RELN: variants seen among roughly 807,000 people sequenced by gnomAD.
The protein encoded by RELN is reelin.
RELN carries 108 observed loss-of-function variants against 427.6 expected under a neutral mutation model. The ratio of observed to expected loss-of-function variants is 0.25; its 90% CI spans 0.22 to 0.30. RELN has a LOEUF of 0.30. Ranked by LOEUF, RELN falls within the 10% of genes least tolerant of loss-of-function variation. RELN has a pLI of 1.00. For missense variants in RELN, 3,715 were observed against 4,302.8 expected (o/e 0.86, Z 3.82); for synonymous variants, 1,524 against 1,513.4 (o/e 1.01, Z -0.16).
chr7:103,829,199 G>A (rs900544692), intron 3 of RELN, among the ~76,000 whole-genome samples: 1 of 151,922 alleles, frequency 6.6e-6, no homozygotes, highest in South Asian at 2.1e-4. Context: ...TATTATTAAT[G>A]TTGTAGTTGT....
intron 51 of RELN, among the ~76,000 whole-genome samples, chr7:103,506,325 C>T (rs543772697): frequency 6.6e-6 from 1 of 152,250 alleles, no homozygotes; most frequent in South Asian, 2.1e-4. Flanking sequence ...GTCGGGTTAC[C>T]CACAAAGGGA....
intron 3 of RELN, among the ~76,000 whole-genome samples, chr7:103,800,308 T>G (rs1033861369): frequency 6.6e-6 from 1 of 152,166 alleles, no homozygotes; most frequent in Non-Finnish European, 1.5e-5. Flanking sequence ...ACAAAATCAA[T>G]GTGCAAAAAT....
At chr7:103,892,576 C>A (rs1030865733) in intron 2 of RELN, among the ~76,000 whole-genome samples, 1 of 152,050 alleles carries the variant, frequency 6.6e-6, no homozygotes, top group Non-Finnish European at 1.5e-5. Flanking sequence ...AGATCACAAC[C>A]AATTTCTGTT....
chr7:103,780,761 C>T (rs547678826), intron 3 of RELN, among the ~76,000 whole-genome samples: 2 of 152,266 alleles, frequency 1.3e-5, no homozygotes, highest in East Asian at 3.9e-4. Flanking sequence ...CGTAGTATTC[C>T]ATGGTATATA....
intron 60 of RELN, among the ~76,000 whole-genome samples, chr7:103,488,261 A>G (rs920771720): frequency 2.6e-5 from 4 of 152,232 alleles, no homozygotes; most frequent in Non-Finnish European, 2.9e-5. Context: ...GTAAGATATT[A>G]TATTAGCAAA....
intron 3 of RELN, among the ~76,000 whole-genome samples, chr7:103,813,924 C>T (rs1001703323): frequency 3.9e-5 from 6 of 152,066 alleles, no homozygotes; most frequent in Admixed American, 6.6e-5. Context: ...AAATCAATAC[C>T]TATTAATCAA....
intron 2 of RELN, among the ~76,000 whole-genome samples, chr7:103,899,149 G>C (rs992719110): frequency 6.6e-6 from 1 of 152,082 alleles, no homozygotes; most frequent in South Asian, 2.1e-4. Flanking sequence ...TACTTTCAGA[G>C]AATACTATAA....
At chr7:103,741,235 C>T (rs1384097838) in intron 6 of RELN, among the ~76,000 whole-genome samples, 1 of 152,132 alleles carries the variant, frequency 6.6e-6, no homozygotes, top group African/African-American at 2.4e-5. Flanking sequence ...ATGGGGATAT[C>T]TGATTTCACT....
At chr7:103,976,294 G>C (rs1796878119) in intron 1 of RELN, among the ~76,000 whole-genome samples, 1 of 152,202 alleles carries the variant, frequency 6.6e-6, no homozygotes, top group South Asian at 2.1e-4. Context: ...CAGGCAAATG[G>C]GGGAAATATA....
chr7:103,906,402 C>T (rs751807625), intron 2 of RELN, among the ~76,000 whole-genome samples: 24 of 152,032 alleles, frequency 1.6e-4, no homozygotes, highest in African/African-American at 5.1e-4. Context: ...TGTAACACAC[C>T]GGGCAGATAG....
At position 103,664,379 on chromosome 7, in the gene RELN, A is replaced by G. The variant is rs531100738; in HGVS notation, c.1290-2852T>C. On this transcript the variant is annotated intron_variant, in intron 11 of 64. Transcript: ENST00000428762. ...CCTAATGCCCCAAGGCACCCATTAT[A>G]TTAGTGAATTGCTTTTTCTCCTTTG... Among the ~76,000 whole-genome samples, 4 of 152,278 alleles carry G rather than the reference A, an allele frequency of 2.6e-5. No individual in the cohort carries two copies. In the South Asian group the frequency reaches 6.2e-4, roughly 24 times the overall value.
intron 2 of RELN, among the ~76,000 whole-genome samples, chr7:103,903,557 C>A (rs1342913327): frequency 2.0e-5 from 3 of 152,058 alleles, no homozygotes; most frequent in African/African-American, 7.2e-5. Context: ...CACGAACAGG[C>A]AAAATTATAA....
intron 10 of RELN, among the ~76,000 whole-genome samples, chr7:103,691,451 C>T (rs549503517): frequency 6.6e-6 from 1 of 152,238 alleles, no homozygotes; most frequent in South Asian, 2.1e-4. Flanking sequence ...TTTTCAAGAT[C>T]AGCAGTGGAG....
At chr7:103,479,632 G>T (rs530477757) in intron 63 of RELN, among the ~76,000 whole-genome samples, 1 of 152,110 alleles carries the variant, frequency 6.6e-6, no homozygotes, top group Non-Finnish European at 1.5e-5. Flanking sequence ...CATCTTTATG[G>T]TGTGGGGCTT....
At chr7:103,738,512 A>G (rs1790551801) in intron 6 of RELN, among the ~76,000 whole-genome samples, 1 of 151,896 alleles carries the variant, frequency 6.6e-6, no homozygotes, top group Non-Finnish European at 1.5e-5. Context: ...GATATACAAC[A>G]TAATCATCAC....
At chr7:103,557,228 G>C in intron 37 of RELN, 69 bp from the exon 38 acceptor site, 1 of 1,284,012 alleles carries the variant, frequency 7.8e-7, no homozygotes, top group South Asian at 1.2e-5. Context: ...GTTCTTAGCT[G>C]AATCTTTAGG....
intron 43 of RELN, 101 bp from the exon 44 acceptor site, chr7:103,540,556 T>C (rs1295855986): frequency 9.5e-7 from 1 of 1,050,858 alleles, no homozygotes; most frequent in Non-Finnish European, 1.5e-6. Flanking sequence ...ACGAAAGGCC[T>C]CAATAAATAT....
At chr7:103,898,121 GCTT>G (rs962825765) in intron 2 of RELN, among the ~76,000 whole-genome samples, 13 of 151,982 alleles carry the variant, frequency 8.6e-5, no homozygotes, top group Admixed American at 1.3e-4. Context: ...GTTTTCTACA[GCTT>G]CTTAAGTAGG....
In RELN at chr7:103,651,698, G is replaced by A; in HGVS notation, c.1855C>T (p.Pro619Ser). Reference protein sequence around the residue: ...LPEICAGPHLPHSTVYSSENY... With the variant: ...LPEICAGPHLSHSTVYSSENY... ...TCAGAGGAGTAGACAGTGCTGTGGG[G>A]GAGGTGGGGTCCAGCACAGATCTCA... Residue 619 changes from proline to serine, a missense_variant, in exon 15 of 65, where the codon CCC becomes TCC. Transcript: ENST00000428762. 6.2e-7 allele frequency: 1 copy of A among 1,611,950 alleles called. No homozygotes were observed. Among genetic ancestry groups the A allele is most frequent in the Non-Finnish European group, 8.5e-7 (1 of 1,178,610 alleles).
Sources: gnomAD v4.1 joint callset for allele counts (sites outside exome capture counted in the v4.1 genomes callset) on GRCh38, gnomAD v4.1.1 for gene constraint, MANE v1.5 for transcripts, NCBI Gene and HGNC (gene_info 2026-07-23, HGNC 2026-07-21) for gene names.